Variants in SORCS1 observed in about 807,000 individuals in gnomAD.
SORCS1 encodes the protein VPS10 domain-containing receptor SorCS1.
A neutral mutation model predicts 146.1 loss-of-function variants in SORCS1; 60 were observed. The observed-to-expected ratio is 0.41, with a 90% confidence interval of 0.33 to 0.51. The LOEUF is 0.51. Ranked by LOEUF, SORCS1 falls within the 20% of genes least tolerant of loss-of-function variation. SORCS1 has a pLI of 0.21. For missense variants in SORCS1, 1,352 were observed against 1,487.6 expected, an observed-to-expected ratio of 0.91 and a Z score of 1.50; for synonymous variants, 637 against 584.0, an observed-to-expected ratio of 1.09 and a Z score of -1.31.
intron 18 of SORCS1, among the ~76,000 whole-genome samples, chr10:106,649,288 A>G (rs1432846515): frequency 6.6e-6 from 1 of 152,138 alleles, no homozygotes; most frequent in Non-Finnish European, 1.5e-5. Context: ...CAGGAGCTGT[A>G]AACATTCACC....
intron 20 of SORCS1, 29 bp downstream of exon 20, chr10:106,620,399 C>A: frequency 2.5e-6 from 4 of 1,601,064 alleles, no homozygotes; most frequent in Non-Finnish European, 3.4e-6. Flanking sequence ...AGCTTCTGTC[C>A]CTAGATCGCA....
intron 1 of SORCS1, among the ~76,000 whole-genome samples, chr10:107,097,818 ATTAAG>A (rs1964642399): frequency 1.3e-5 from 2 of 152,142 alleles, no homozygotes; most frequent in South Asian, 4.1e-4. Flanking sequence ...TAGTCCCTTC[ATTAAG>A]TTATCTTTAA....
chr10:106,579,154 G>A (rs868040653), intron 25 of SORCS1: 3 of 1,614,080 alleles, frequency 1.9e-6, no homozygotes, highest in Non-Finnish European at 2.5e-6. Context: ...TCAGTCTGAG[G>A]GACATTGGGC....
intron 3 of SORCS1, among the ~76,000 whole-genome samples, chr10:106,797,233 T>C (rs544143720): frequency 1.8e-4 from 27 of 152,334 alleles, no homozygotes; most frequent in South Asian, 4.1e-4. Context: ...AAAAACACTG[T>C]CATTTTGCTC....
At chr10:107,134,591 A>T (rs531744816) in intron 1 of SORCS1, among the ~76,000 whole-genome samples, 1 of 152,140 alleles carries the variant, frequency 6.6e-6, no homozygotes, top group Admixed American at 6.5e-5. Context: ...GTGAGCCGAG[A>T]TCGCGCCACT....
intron 1 of SORCS1, among the ~76,000 whole-genome samples, chr10:107,055,181 C>A (rs1960491265): frequency 6.6e-6 from 1 of 152,136 alleles, no homozygotes; most frequent in African/African-American, 2.4e-5. Context: ...CATCACCTTC[C>A]TAGTTTCTTC....
At chr10:106,624,506 G>A (rs1007673542) in intron 19 of SORCS1, among the ~76,000 whole-genome samples, 5 of 151,800 alleles carry the variant, frequency 3.3e-5, no homozygotes, top group Non-Finnish European at 7.4e-5. Context: ...GATTACAGGC[G>A]CCTGCTATCA....
At chr10:107,134,723 C>A (rs548099940) in intron 1 of SORCS1, among the ~76,000 whole-genome samples, 3 of 152,150 alleles carry the variant, frequency 2.0e-5, no homozygotes, top group Non-Finnish European at 4.4e-5. Flanking sequence ...GATGAGAAAT[C>A]GGACAAGTCA....
At chr10:106,998,329 A>C (rs1957082350) in intron 1 of SORCS1, among the ~76,000 whole-genome samples, 1 of 152,200 alleles carries the variant, frequency 6.6e-6, no homozygotes, top group Non-Finnish European at 1.5e-5. Flanking sequence ...TACCTGAACT[A>C]CTAGGGTCAT....
intron 17 of SORCS1, among the ~76,000 whole-genome samples, chr10:106,660,249 G>C (rs1236409147): frequency 6.6e-6 from 1 of 152,194 alleles, no homozygotes; most frequent in Admixed American, 6.5e-5. Context: ...CTTATGTAGA[G>C]AGGAAGTTTT....
intron 1 of SORCS1, among the ~76,000 whole-genome samples, chr10:107,010,115 C>A (rs1246615022): frequency 2.0e-5 from 3 of 152,232 alleles, no homozygotes; most frequent in Non-Finnish European, 4.4e-5. Context: ...CAGTCATCCA[C>A]AACACCTGTT....
intron 1 of SORCS1, among the ~76,000 whole-genome samples, chr10:107,003,014 G>T (rs1957280441): frequency 6.6e-6 from 1 of 152,138 alleles, no homozygotes; most frequent in South Asian, 2.1e-4. Context: ...CTAGCACTTT[G>T]GGAGGCCAAG....
At chr10:107,088,694 C>G (rs896282256) in intron 1 of SORCS1, among the ~76,000 whole-genome samples, 2 of 152,138 alleles carry the variant, frequency 1.3e-5, no homozygotes, top group African/African-American at 4.8e-5. Flanking sequence ...GACAATTGAA[C>G]CAAAGTGGGA....
chr10:106,696,946 T>C (rs926359355), intron 9 of SORCS1, among the ~76,000 whole-genome samples: 6 of 152,152 alleles, frequency 3.9e-5, no homozygotes, highest in Admixed American at 1.3e-4. Context: ...AAAGTCAGAA[T>C]ATGTTTTTGG....
intron 18 of SORCS1, among the ~76,000 whole-genome samples, chr10:106,642,032 C>A (rs1016511106): frequency 2.6e-5 from 4 of 152,086 alleles, no homozygotes; most frequent in African/African-American, 7.2e-5. Context: ...TAAATAAATA[C>A]AAACATCTAA....
chr10:106,878,646 A>G (rs113628223), intron 2 of SORCS1, among the ~76,000 whole-genome samples: 2 of 117,886 alleles, frequency 1.7e-5, no homozygotes, highest in African/African-American at 5.7e-5. Context: ...ATATATATAT[A>G]TATTTTATAG....
intron 18 of SORCS1, among the ~76,000 whole-genome samples, chr10:106,634,270 A>G (rs149827059): frequency 6.6e-6 from 1 of 152,348 alleles, no homozygotes; most frequent in Non-Finnish European, 1.5e-5. Flanking sequence ...ATGTATCTTC[A>G]GTGCCTTAAT....
At chr10:107,142,364 G>A (rs145647986) in intron 1 of SORCS1, among the ~76,000 whole-genome samples, 2 of 152,166 alleles carry the variant, frequency 1.3e-5, no homozygotes, top group African/African-American at 2.4e-5. Context: ...AACCACAAGT[G>A]TTCTTCTTCC....
chr10:106,657,683 G>A (rs1321246030), intron 17 of SORCS1, among the ~76,000 whole-genome samples: 4 of 149,042 alleles, frequency 2.7e-5, no homozygotes, highest in South Asian at 2.1e-4. Flanking sequence ...GTGTGTGTGT[G>A]TGTGTGTATT....
Sources: allele counts gnomAD v4.1 joint callset (sites outside exome capture counted in the v4.1 genomes callset), GRCh38; gene constraint gnomAD v4.1.1; transcripts MANE v1.5; gene names NCBI Gene and HGNC (gene_info 2026-07-23, HGNC 2026-07-21).